ETV5: variants seen among roughly 807,000 people sequenced by gnomAD.
ETV5 encodes the protein ETS variant transcription factor 5, also known as ETS translocation variant 5.
ETV5 carries 10 observed loss-of-function variants against 70.0 expected under a neutral mutation model. That is an observed-to-expected ratio of 0.14 (90% CI 0.09 to 0.24). The LOEUF (loss-of-function observed/expected upper bound fraction) is 0.24. Ranked by LOEUF, ETV5 falls within the 10% of genes least tolerant of loss-of-function variation. The pLI is 1.00. For synonymous variants in ETV5, 216 were observed against 242.2 expected (o/e 0.89, Z 1.01); for missense variants, 453 against 651.2 (o/e 0.70, Z 3.31).
chr3:186,049,604 C>T (rs1022631063), intron 12 of ETV5, among the ~76,000 whole-genome samples: 3 of 152,116 alleles, frequency 2.0e-5, no homozygotes, highest in African/African-American at 4.8e-5. Flanking sequence ...TGTCTGGAGA[C>T]GCAGAGGGGG....
At chr3:186,098,414 C>G (rs545866863) in intron 5 of ETV5, among the ~76,000 whole-genome samples, 1 of 152,186 alleles carries the variant, frequency 6.6e-6, no homozygotes, top group African/African-American at 2.4e-5. Context: ...GGCTTCCTCC[C>G]CAGGGGAGGA....
Position 186,048,488 on chromosome 3 carries a change from G to T in ETV5, c.*151C>A. The T allele has an allele frequency of 2.9e-6, 2 of 687,748 alleles. No homozygotes were observed. The highest frequency in any genetic ancestry group is 5.0e-6 in the Non-Finnish European group (2 of 403,228). 42.6% of individuals were successfully genotyped at this position (687,748 alleles called of 1,614,324 possible). The stretch of plus-strand genomic sequence containing the variant: ...CCCCAGCCAATGTATCTGTCTTTAA[G>T]GGTGCCAATCCAGAGACAGCTTGGG... On this transcript the variant is annotated 3_prime_UTR_variant, in exon 13 of 13. Coordinates refer to ENST00000306376, the MANE Select transcript of ETV5 (RefSeq NM_004454.3).
chr3:186,066,071 A>G lies in ETV5; in HGVS notation c.652T>C (p.Phe218Leu). Residue 218 changes from phenylalanine to leucine, a missense_variant and splice_region_variant, in exon 8 of 13, where the codon TTT becomes CTT. Phe to Leu is a conservative substitution (Grantham distance 22, BLOSUM62 0). Around this residue, in one of 4 missense-constraint regions of ETV5, gnomAD observed 307 missense variants for 344.9 expected, o/e 0.89. Coordinates refer to ENST00000306376, the MANE Select transcript of ETV5 (RefSeq NM_004454.3). Reference sequence around the variant, plus strand: ...CAGGGTTCAGACAGTTGTCTCTGAAATCTGTAAGAAGAAAGAGGTTTTCAT... The same window carrying G: ...CAGGGTTCAGACAGTTGTCTCTGAAGTCTGTAAGAAGAAAGAGGTTTTCAT... ...PENQYPSEQR[F>L]QRQLSEPCHP... is the part of the protein sequence containing the mutation. 6.4e-7 allele frequency: 1 copy of G among 1,569,576 alleles called. No homozygotes were observed.
intron 5 of ETV5, among the ~76,000 whole-genome samples, chr3:186,098,700 C>T (rs918621062): frequency 1.3e-5 from 2 of 152,204 alleles, no homozygotes; most frequent in Admixed American, 6.5e-5. Context: ...TGAGGGAAAG[C>T]GGATGGAGCC....
intron 12 of ETV5, 128 bp downstream of exon 12, chr3:186,051,902 C>T (rs1419538253): frequency 1.3e-6 from 1 of 769,152 alleles, no homozygotes; most frequent in African/African-American, 1.7e-5. Context: ...AAGATTGTTT[C>T]CTACCACAGA....
intron 7 of ETV5, 43 bp from the exon 8 acceptor site, chr3:186,066,115 G>A (rs776489240): frequency 1.3e-6 from 2 of 1,514,624 alleles, no homozygotes; most frequent in Non-Finnish European, 1.8e-6. Context: ...AAGACTTGAT[G>A]AATTCCTACT....
rs752388080 is a variant in ETV5, at chr3:186,081,048, A to G, written c.360T>C (p.Tyr120=). 5 of 1,608,624 alleles carry G rather than the reference A, an allele frequency of 3.1e-6. No homozygotes were observed. Among genetic ancestry groups the G allele is most frequent in the African/African-American group, 2.7e-5 (2 of 74,786 alleles). The part of the protein sequence containing the change: ...ANYGEKCLYN[Y]CAYDRKPPSG... The stretch of plus-strand genomic sequence containing the variant: ...TTCGACTCCTCTTGCCCACTCACCA[A>G]TAGTTGTAGAGGCACTTTTCTCCAT... Residue 120 remains tyrosine (Y), a splice_region_variant and synonymous_variant, in exon 6 of 13, where the codon TAT becomes TAC. Transcript: ENST00000306376.
chr3:186,066,452 T>C (rs899465924), intron 7 of ETV5, among the ~76,000 whole-genome samples: 1 of 152,130 alleles, frequency 6.6e-6, no homozygotes, highest in East Asian at 1.9e-4. Context: ...CTCTCACCTA[T>C]AGATAGAAGG....
chr3:186,070,129 C>T (rs1333638578), intron 7 of ETV5, among the ~76,000 whole-genome samples: 1 of 152,154 alleles, frequency 6.6e-6, no homozygotes, highest in African/African-American at 2.4e-5. Flanking sequence ...TTCTTAAGGC[C>T]TTATTTTTGT....
At chr3:186,084,430 C>A (rs1355650177) in intron 5 of ETV5, 1 of 332,414 alleles carries the variant, frequency 3.0e-6, no homozygotes, top group Admixed American at 4.2e-5. Context: ...ATGTGGACTA[C>A]CTTCTTTGTC....
At chr3:186,068,599 T>C (rs977830409) in intron 7 of ETV5, among the ~76,000 whole-genome samples, 3 of 152,200 alleles carry the variant, frequency 2.0e-5, no homozygotes, top group Non-Finnish European at 2.9e-5. Flanking sequence ...GTGTGCAGTG[T>C]AGAAGGGAAA....
chr3:186,097,749 T>A (rs547252065), intron 5 of ETV5, among the ~76,000 whole-genome samples: 1 of 152,334 alleles, frequency 6.6e-6, no homozygotes, highest in South Asian at 2.1e-4. Context: ...AGCCCAGGCT[T>A]GGAGAACAGG....
intron 7 of ETV5, chr3:186,079,310 A>T (rs1352525479): frequency 8.7e-6 from 2 of 229,588 alleles, no homozygotes; most frequent in Non-Finnish European, 1.7e-5. Context: ...TAACCAGGAG[A>T]TTTCTATTTC....
At chr3:186,056,746 C>A (rs762952332) in intron 11 of ETV5, among the ~76,000 whole-genome samples, 2 of 152,226 alleles carry the variant, frequency 1.3e-5, no homozygotes. Flanking sequence ...CAAAACAAGT[C>A]TGTATCATTG....
At chr3:186,087,168 A>C (rs1159355746) in intron 5 of ETV5, among the ~76,000 whole-genome samples, 1 of 152,214 alleles carries the variant, frequency 6.6e-6, no homozygotes, top group Non-Finnish European at 1.5e-5. Flanking sequence ...CACAGAAGGG[A>C]GAATGAAGAA....
Position 186,065,858 on chromosome 3 carries a change from G to T in ETV5, c.865C>A (p.Pro289Thr). ...CGAGGCTCCTGCTTGATTCCCATTG[G>T]TGACTGGAACCCGTGTGCTGGGGGC... ...PGPPAHGFQS[P>T]MGIKQEPRDY... Residue 289 changes from proline (P) to threonine (T), a missense_variant, in exon 8 of 13, where the codon CCA (proline) becomes ACA (threonine). Pro to Thr is a conservative substitution (Grantham distance 38). Transcript: ENST00000306376. 3 of 1,614,114 alleles carry T rather than the reference G, an allele frequency of 1.9e-6. No homozygotes were observed. The highest frequency in any genetic ancestry group is 2.5e-6 in the Non-Finnish European group (3 of 1,180,022).
chr3:186,088,869 G>A (rs945979356), intron 5 of ETV5, among the ~76,000 whole-genome samples: 4 of 152,090 alleles, frequency 2.6e-5, no homozygotes, highest in African/African-American at 7.2e-5. Context: ...CTTTTTTGAC[G>A]AATTTTGAGA....
intron 5 of ETV5, among the ~76,000 whole-genome samples, chr3:186,102,039 A>G (rs1472731953): frequency 2.6e-5 from 4 of 152,206 alleles, no homozygotes; most frequent in Admixed American, 6.5e-5. Flanking sequence ...GGGCATTTCT[A>G]TAAGATATAA....
At chr3:186,058,459 C>T (rs559259149) in intron 9 of ETV5, among the ~76,000 whole-genome samples, 8 of 152,278 alleles carry the variant, frequency 5.3e-5, no homozygotes, top group South Asian at 2.1e-4. Flanking sequence ...CCCTGTGCTC[C>T]GTTTTCCTGT....
Sources: allele counts gnomAD v4.1 joint callset (sites outside exome capture counted in the v4.1 genomes callset), GRCh38; gene constraint gnomAD v4.1.1; regional missense constraint gnomAD v4.1.1; transcripts MANE v1.5; gene names NCBI Gene and HGNC (gene_info 2026-07-23, HGNC 2026-07-21).